OR7D4: variants seen among roughly 807,000 people sequenced by gnomAD.
OR7D4 encodes the protein olfactory receptor 7D4.
For missense variants in OR7D4, 319 were observed against 377.1 expected (o/e 0.85, Z 1.27); for synonymous variants, 154 against 158.4 (o/e 0.97, Z 0.21).
rs372875141 is a variant in OR7D4, at chr19:9,214,694, G to A, written c.144C>T (p.Ala48=). The A allele has an allele frequency of 4.0e-5, 64 of 1,614,068 alleles. 1 individual carries two copies. Among genetic ancestry groups the A allele is most frequent in the African/African-American group, 3.9e-4 (29 of 75,010 alleles). The part of the protein sequence containing the change: ...TVLGNLLIIL[A]VSSDSHLHTP... ...TGTGGAGGTGGGAGTCAGAGCTGAC[G>A]GCCAGAATGATGAGCAGGTTCCCCA... The change falls in exon 2 of 2, where the codon GCC becomes GCT. Residue 48 remains alanine, a synonymous_variant. Coordinates refer to ENST00000641669, the MANE Select transcript of OR7D4 (RefSeq NM_001005191.3).
chr19:9,216,896 C>T lies in OR7D4; in HGVS notation c.-13-2046G>A, dbSNP rs972980031. 2.6e-5 allele frequency among the ~76,000 whole-genome samples: 4 copies of T among 152,108 alleles called. No homozygotes were observed. In the South Asian group the frequency reaches 6.2e-4, roughly 24 times the overall value. ...CATGAGCCACTGTGCCCAGCCTGAA[C>T]TTTTGTTTTTAACATTACAATAAAT... On this transcript the variant is annotated intron_variant, in intron 1 of 1. Transcript: ENST00000641669.
intron 1 of OR7D4, among the ~76,000 whole-genome samples, chr19:9,218,232 T>C (rs1469935958): frequency 6.6e-6 from 1 of 151,694 alleles, no homozygotes; most frequent in African/African-American, 2.4e-5. Context: ...GTTTAAGACA[T>C]GTTTGAATAT....
Position 9,214,796 on chromosome 19 carries a change from G to A in OR7D4, c.42C>T (p.Leu14=), listed in dbSNP as rs775889955. 6.2e-7 allele frequency: 1 copy of A among 1,611,882 alleles called. No homozygotes were observed. The highest frequency in any genetic ancestry group is 1.7e-5 in the Admixed American group (1 of 59,742). The change falls in exon 2 of 2, where the codon CTC becomes CTT. Residue 14 remains leucine (L), a synonymous_variant. Coordinates refer to ENST00000641669, the MANE Select transcript of OR7D4 (RefSeq NM_001005191.3). ...ENLTELSKFL[L]LGLSDDPELQ... ...GTTCAGGATCATCTGAGAGTCCCAG[G>A]AGGAGAAATTTTGATAATTCTGTAA... is the stretch of plus-strand genomic sequence containing the variant.
In OR7D4 at chr19:9,214,661, C is replaced by G. The variant is rs1243853866; in HGVS notation, c.177G>C (p.Met59Ile). 6.2e-7 allele frequency: 1 copy of G among 1,613,944 alleles called. No individual in the cohort carries two copies. Among genetic ancestry groups the G allele is most frequent in the African/African-American group, 1.3e-5 (1 of 74,886 alleles). ...VSSDSHLHTP[M>I]YFFLSNLSFV... ...AGGACAGGTTGGAGAGGAAGAAGTA[C>G]ATGGGGGTGTGGAGGTGGGAGTCAG... Residue 59 changes from methionine (M) to isoleucine (I), a missense_variant, in exon 2 of 2, where the codon ATG becomes ATC. Transcript: ENST00000641669.
intron 1 of OR7D4, among the ~76,000 whole-genome samples, chr19:9,215,274 C>T (rs187516696): frequency 3.1e-4 from 41 of 132,002 alleles, no homozygotes; most frequent in African/African-American, 8.0e-4. Context: ...ACCCAGGAGG[C>T]GGAGGTTGCA....
intron 1 of OR7D4, among the ~76,000 whole-genome samples, chr19:9,215,796 T>C (rs2051207355): frequency 6.6e-6 from 1 of 152,228 alleles, no homozygotes; most frequent in African/African-American, 2.4e-5. Flanking sequence ...AGGTATAGCA[T>C]AGAGCTGTGA....
intron 1 of OR7D4, among the ~76,000 whole-genome samples, chr19:9,215,311 C>G (rs943719005): frequency 1.4e-5 from 2 of 141,814 alleles, no homozygotes; most frequent in Non-Finnish European, 3.0e-5. Context: ...GCACTGCACT[C>G]CAGCCTGGTG....
rs548109917 is a variant in OR7D4, at chr19:9,213,427, T to TA, written c.*471dup. 0.016 allele frequency: 2,256 copies of TA among 145,290 alleles called. 56 individuals are homozygous for TA. Among genetic ancestry groups the TA allele is most frequent in the African/African-American group, 0.05 (1,994 of 39,932 alleles). 9.0% of individuals were successfully genotyped at this position (145,290 alleles called of 1,614,324 possible). A position where few individuals can be genotyped will look rare whatever the true frequency, so the allele number is the denominator to read the frequency against. On this transcript the variant is annotated 3_prime_UTR_variant, in exon 2 of 2. Coordinates refer to ENST00000641669, the MANE Select transcript of OR7D4 (RefSeq NM_001005191.3). ...AAGCAAAATCATAGTTGTTTTTGAT[T>TA]AAAAAAAAAAAGAAAAGAAAGAAAC... is the stretch of plus-strand genomic sequence containing the variant.
rs1160454164 is a variant in OR7D4, at chr19:9,214,087, A to C, written c.751T>G (p.Phe251Val). 4 of 1,614,196 alleles carry C rather than the reference A, an allele frequency of 2.5e-6. No individual in the cohort carries two copies. The highest frequency in any genetic ancestry group is 3.4e-6 in the Non-Finnish European group (4 of 1,180,030). ...CGSHLCVVSL[F>V]YGTGLGVYLS... ...TAGACCCCAAGTCCTGTTCCATAGA[A>C]CAAGGAGACCACACAGAGGTGAGAT... The change falls in exon 2 of 2, where the codon TTC (phenylalanine) becomes GTC (valine). Residue 251 changes from phenylalanine (F) to valine (V), a missense_variant. Phe to Val is a conservative substitution (Grantham distance 50). Transcript: ENST00000641669.
At chr19:9,217,325 C>T (rs1050312053) in intron 1 of OR7D4, among the ~76,000 whole-genome samples, 25 of 151,946 alleles carry the variant, frequency 1.6e-4, no homozygotes, top group African/African-American at 5.8e-4. Context: ...TCAAATCATC[C>T]TAAAAAACTA....
In OR7D4 at chr19:9,214,381, A is replaced by C. The variant is rs376129515; in HGVS notation, c.457T>G (p.Phe153Val). ...AGAATATGAACCAGGGAGAACCAGA[A>C]AATGATGAACCAAGATGCCAGAACC... is the stretch of plus-strand genomic sequence containing the variant. ...LLVLASWFII[F>V]WFSLVHILLM... The change falls in exon 2 of 2, where the codon TTC becomes GTC. Residue 153 changes from phenylalanine to valine, a missense_variant. Phe to Val is a conservative substitution (Grantham distance 50). Coordinates refer to ENST00000641669, the MANE Select transcript of OR7D4 (RefSeq NM_001005191.3). The C allele has an allele frequency of 6.2e-7, 1 of 1,614,174 alleles. No homozygotes were observed. The highest frequency in any genetic ancestry group is 1.3e-5 in the African/African-American group (1 of 75,036).
At chr19:9,217,857 G>A (rs1568330388) in intron 1 of OR7D4, among the ~76,000 whole-genome samples, 5 of 152,022 alleles carry the variant, frequency 3.3e-5, no homozygotes, top group Admixed American at 1.3e-4. Context: ...GTTAATTAGG[G>A]GAAGTAAGGA....
rs145909008 is a variant in OR7D4 at position 9,214,857 on chromosome 19, G to C, written c.-13-7C>G. 27 of 1,524,472 alleles carry C rather than the reference G, an allele frequency of 1.8e-5. No individual in the cohort carries two copies. Among genetic ancestry groups the C allele is most frequent in the Non-Finnish European group, 2.4e-5 (27 of 1,128,046 alleles). The allele number at this position is 1,524,472 out of a possible 1,614,324, so 94.4% of individuals were successfully genotyped here. Reference sequence around the variant, plus strand: ...TTCCATGTAGCTGTTGTGTCTGCTGGGGAAGGAGGAAAAAGCAACGTTTAA... The same window carrying C: ...TTCCATGTAGCTGTTGTGTCTGCTGCGGAAGGAGGAAAAAGCAACGTTTAA... On this transcript the variant is annotated splice_region_variant and splice_polypyrimidine_tract_variant and intron_variant, in intron 1 of 1. Transcript: ENST00000641669.
intron 1 of OR7D4, among the ~76,000 whole-genome samples, chr19:9,215,499 C>A (rs193005413): frequency 6.6e-6 from 1 of 151,878 alleles, no homozygotes; most frequent in East Asian, 1.9e-4. Flanking sequence ...AATCCCCATG[C>A]TTCCTTCATT....
In OR7D4 at chr19:9,213,859, G is replaced by A. The variant is rs1267101421; in HGVS notation, c.*40C>T. On this transcript the variant is annotated 3_prime_UTR_variant, in exon 2 of 2. Transcript: ENST00000641669. ...TTAAACCCACAACATTTGCCTTAGG[G>A]GTACGCAGTGTGTCCTCTTAGTTCT... 1.6e-5 allele frequency: 22 copies of A among 1,398,942 alleles called. 1 individual carries two copies. The East Asian group carries it at 4.8e-4, about 30-fold the overall frequency. 86.7% of individuals were successfully genotyped at this position (1,398,942 alleles called of 1,614,324 possible).
In OR7D4 at chr19:9,214,769, C is replaced by T. The variant is rs2051199750; in HGVS notation, c.69G>A (p.Leu23=). 6.2e-7 allele frequency: 1 copy of T among 1,613,740 alleles called. No individual in the cohort carries two copies. Among genetic ancestry groups the T allele is most frequent in the South Asian group, 1.1e-5 (1 of 91,074 alleles). The change falls in exon 2 of 2, where the codon CTG becomes CTA. Residue 23 remains leucine (L), a synonymous_variant. Coordinates refer to ENST00000641669, the MANE Select transcript of OR7D4 (RefSeq NM_001005191.3). ...LLLGLSDDPE[L]QPVLFGLFLS... ...GGAACAGCCCAAAGAGGACGGGCTG[C>T]AGTTCAGGATCATCTGAGAGTCCCA...
Position 9,212,044 on chromosome 19 carries a change from A to G in OR7D4, c.*1855T>C, listed in dbSNP as rs927474002. ...CTTCTACTTTTATTTTTCTTTAAAAATGTTTTAAAACATTTTTAATTTTTG... is the reference window on the plus strand; with the variant it reads ...CTTCTACTTTTATTTTTCTTTAAAAGTGTTTTAAAACATTTTTAATTTTTG... On this transcript the variant is annotated 3_prime_UTR_variant, in exon 2 of 2. Transcript: ENST00000641669. 1 of 152,104 alleles carries G rather than the reference A, an allele frequency of 6.6e-6. No homozygotes were observed. The highest frequency in any genetic ancestry group is 2.4e-5 in the African/African-American group (1 of 41,424). The allele number at this position is 152,104 out of a possible 1,614,324, so 9.4% of individuals were successfully genotyped here. A position where few individuals can be genotyped will look rare whatever the true frequency, so the allele number is the denominator to read the frequency against.
Position 9,214,098 on chromosome 19 carries a change from A to G in OR7D4, c.740T>C (p.Val247Ala). 1 of 1,614,210 alleles carries G rather than the reference A, an allele frequency of 6.2e-7. No homozygotes were observed. The highest frequency in any genetic ancestry group is 2.2e-5 in the East Asian group (1 of 44,882). Residue 247 changes from valine (V) to alanine (A), a missense_variant, in exon 2 of 2, where the codon GTG (valine) becomes GCG (alanine). Physicochemically the swap from Val to Ala is moderately conservative, Grantham distance 64. Coordinates refer to ENST00000641669, the MANE Select transcript of OR7D4 (RefSeq NM_001005191.3). ...TCCTGTTCCATAGAACAAGGAGACC[A>G]CACAGAGGTGAGATCCACAGGTGGA... is the stretch of plus-strand genomic sequence containing the variant. ...AFSTCGSHLC[V>A]VSLFYGTGLG...
At position 9,212,449 on chromosome 19, in the gene OR7D4, G is replaced by T. The variant is rs1183310358; in HGVS notation, c.*1450C>A. The T allele has an allele frequency of 6.6e-6, 1 of 152,128 alleles. No individual in the cohort carries two copies. The highest frequency in any genetic ancestry group is 6.6e-5 in the Admixed American group (1 of 15,266). 9.4% of individuals were successfully genotyped at this position (152,128 alleles called of 1,614,324 possible). On this transcript the variant is annotated 3_prime_UTR_variant, in exon 2 of 2. Coordinates refer to ENST00000641669, the MANE Select transcript of OR7D4 (RefSeq NM_001005191.3). The stretch of plus-strand genomic sequence containing the variant: ...TATGCATTCCAAATCAGTGAAAAAT[G>T]ATAATATCTTTTGATACCATCAAAA...
Sources: allele counts gnomAD v4.1 joint callset (sites outside exome capture counted in the v4.1 genomes callset), GRCh38; gene constraint gnomAD v4.1.1; transcripts MANE v1.5; gene names NCBI Gene and HGNC (gene_info 2026-07-23, HGNC 2026-07-21).